Variants in PCDHGA7 observed in about 807,000 individuals in gnomAD.
The protein encoded by PCDHGA7 is protocadherin gamma subfamily A, 7.
Under a neutral mutation model 58.3 loss-of-function variants are expected in PCDHGA7, and 44 were observed. That is an observed-to-expected ratio of 0.75 (90% CI 0.59 to 0.97). PCDHGA7 has a LOEUF of 0.97. Ranked by LOEUF, PCDHGA7 falls within the 50% of genes least tolerant of loss-of-function variation. The pLI, the probability that PCDHGA7 is intolerant of heterozygous loss-of-function variation, is 0.00. For missense variants in PCDHGA7, 1,266 were observed against 1,188.7 expected (o/e 1.06, Z -0.96); for synonymous variants, 516 against 504.2 (o/e 1.02, Z -0.31).
intron 1 of PCDHGA7, chr5:141,404,057 T>C (rs558471539): frequency 1.2e-5 from 19 of 1,613,894 alleles, no homozygotes; most frequent in Non-Finnish European, 1.4e-5. Context: ...AATTCTTCTT[T>C]TCAATGCTCA....
chr5:141,473,079 A>G (rs1389177835), intron 1 of PCDHGA7, among the ~76,000 whole-genome samples: 2 of 152,086 alleles, frequency 1.3e-5, no homozygotes, highest in African/African-American at 4.8e-5. Flanking sequence ...ATCTTTGTTT[A>G]TTATCCACTG....
rs1317308437 is a variant in PCDHGA7, at chr5:141,418,492, A to G, written c.2424+33169A>G. The G allele has an allele frequency of 1.9e-6, 3 of 1,613,886 alleles. No homozygotes were observed. The African/African-American group carries it at 4.0e-5, about 22-fold the overall frequency. On this transcript the variant is annotated intron_variant, in intron 1 of 3. Coordinates refer to ENST00000518325, the MANE Select transcript of PCDHGA7 (RefSeq NM_018920.4). ...AAACGCAGAGCGCTCACCACTTGGT[A>G]CTGACCGCCTTAGATGGTGGGGACC... is the stretch of plus-strand genomic sequence containing the variant.
intron 1 of PCDHGA7, chr5:141,478,935 A>G: frequency 1.6e-6 from 1 of 638,574 alleles, no homozygotes. Flanking sequence ...GGCAGCTTCT[A>G]GGAATACAAA....
At position 141,431,416 on chromosome 5, in the gene PCDHGA7, C is replaced by T. The variant is rs778722151; in HGVS notation, c.2424+46093C>T. Reference sequence around the variant, plus strand: ...TCCTTACGGCCTCCGACGGGGGCGACCCGGTGCGCACAGGCACCGCGCGCA... The same window carrying T: ...TCCTTACGGCCTCCGACGGGGGCGATCCGGTGCGCACAGGCACCGCGCGCA... On this transcript the variant is annotated intron_variant, in intron 1 of 3. Transcript: ENST00000518325. This position sits in a 1 kb window ranked among gnomAD's most constrained non-coding sequence, Gnocchi z 4.8. 2.5e-6 allele frequency: 4 copies of T among 1,613,714 alleles called. No homozygotes were observed. Among genetic ancestry groups the T allele is most frequent in the Admixed American group, 1.7e-5 (1 of 60,028 alleles).
intron 1 of PCDHGA7, among the ~76,000 whole-genome samples, chr5:141,457,656 G>T (rs2098926936): frequency 6.6e-6 from 1 of 152,244 alleles, no homozygotes; most frequent in Non-Finnish European, 1.5e-5. Context: ...ATGAAGTGCA[G>T]CAAGAATGGT....
intron 1 of PCDHGA7, chr5:141,479,712 C>T (rs1488849933): frequency 6.6e-6 from 1 of 152,216 alleles, no homozygotes; most frequent in Non-Finnish European, 1.5e-5. Flanking sequence ...CCCTGTCCTT[C>T]CAGCCTTATT....
chr5:141,427,982 G>T, intron 1 of PCDHGA7: 1 of 1,596,752 alleles, frequency 6.3e-7, no homozygotes, highest in African/African-American at 1.3e-5. Flanking sequence ...CCGCGCTGGG[G>T]CCCGATGGCT....
At chr5:141,406,649 G>A (rs1447190497) in intron 1 of PCDHGA7, among the ~76,000 whole-genome samples, 2 of 152,098 alleles carry the variant, frequency 1.3e-5, no homozygotes, top group African/African-American at 2.4e-5. Flanking sequence ...ATTTCCTAAT[G>A]CTTTAATGTT....
chr5:141,476,459 C>T lies in PCDHGA7; in HGVS notation c.2425-18348C>T. On this transcript the variant is annotated intron_variant, in intron 1 of 3. Coordinates refer to ENST00000518325, the MANE Select transcript of PCDHGA7 (RefSeq NM_018920.4). The surrounding 1 kb of genome is among the most constrained non-coding windows in gnomAD (Gnocchi z 7.6). ...AACTCTGGAGTTGGTAGTGGAGAACCCGCTGGAGCTGTTCAGCGTGGAAGT... is the reference window on the plus strand; with the variant it reads ...AACTCTGGAGTTGGTAGTGGAGAACTCGCTGGAGCTGTTCAGCGTGGAAGT... 6.2e-7 allele frequency: 1 copy of T among 1,614,048 alleles called. No individual in the cohort carries two copies. Among genetic ancestry groups the T allele is most frequent in the Non-Finnish European group, 8.5e-7 (1 of 1,180,006 alleles).
rs200072718 is a variant in PCDHGA7 at position 141,389,516 on chromosome 5, G to C, written c.2424+4193G>C. 4,499 of 1,613,168 alleles carry C rather than the reference G, an allele frequency of 2.8e-3. 16 individuals are homozygous for C. Among genetic ancestry groups the C allele is most frequent in the Non-Finnish European group, 3.4e-3 (4,037 of 1,179,766 alleles). The stretch of plus-strand genomic sequence containing the variant: ...GCTCGCCAGCGCTCAGCGCGAACGT[G>C]AGCCTGCGCGTGTTAGTGGACGACC... On this transcript the variant is annotated intron_variant, in intron 1 of 3. Coordinates refer to ENST00000518325, the MANE Select transcript of PCDHGA7 (RefSeq NM_018920.4).
rs146574799 is a variant in PCDHGA7, at chr5:141,487,337, G to A, written c.2425-7470G>A. The A allele has an allele frequency of 1.4e-5, 23 of 1,614,054 alleles. No individual in the cohort carries two copies. The highest frequency in any genetic ancestry group is 3.3e-5 in the Admixed American group (2 of 60,002). The stretch of plus-strand genomic sequence containing the variant: ...TAAGTGTCTTCGTGGGGCAGCCTGT[G>A]GAGTCACATGCTTTCCTGCTGGCAC... On this transcript the variant is annotated intron_variant, in intron 1 of 3. Coordinates refer to ENST00000518325, the MANE Select transcript of PCDHGA7 (RefSeq NM_018920.4). The surrounding 1 kb of genome is among the most constrained non-coding windows in gnomAD (Gnocchi z 5.0).
chr5:141,466,415 C>T (rs995296505), intron 1 of PCDHGA7, among the ~76,000 whole-genome samples: 6 of 152,136 alleles, frequency 3.9e-5, no homozygotes, highest in Non-Finnish European at 8.8e-5. Context: ...ATTTTTCAGT[C>T]AGAATTGTGT....
Position 141,491,013 on chromosome 5 carries a change from G to C in PCDHGA7, c.2425-3794G>C. ...CTCCTCCTGGCTCCTTGGTCACCAA[G>C]GTGACAGCCGTGGATGCTGATGCAG... On this transcript the variant is annotated intron_variant, in intron 1 of 3. Transcript: ENST00000518325. The surrounding 1 kb of genome is among the most constrained non-coding windows in gnomAD (Gnocchi z 6.9). 6.2e-7 allele frequency: 1 copy of C among 1,614,144 alleles called. No homozygotes were observed. Among genetic ancestry groups the C allele is most frequent in the Non-Finnish European group, 8.5e-7 (1 of 1,180,040 alleles).
Position 141,384,308 on chromosome 5 carries a change from C to G in PCDHGA7, c.1409C>G (p.Ser470Cys), listed in dbSNP as rs974367218. Residue 470 changes from serine to cysteine, a missense_variant, in exon 1 of 4, where the codon TCC becomes TGC. Transcript: ENST00000518325. ...YIAENNPRGA[S>C]IFLVTAQDHD... ...GCTGAGAACAACCCCAGAGGGGCCT[C>G]CATTTTCTTAGTGACTGCACAGGAC... The G allele has an allele frequency of 1.5e-5, 25 of 1,613,736 alleles. No homozygotes were observed. The highest frequency in any genetic ancestry group is 2.1e-5 in the Non-Finnish European group (25 of 1,179,896).
intron 1 of PCDHGA7, chr5:141,416,401 T>C (rs2096020867): frequency 6.6e-6 from 1 of 152,204 alleles, no homozygotes; most frequent in African/African-American, 2.4e-5. Context: ...TGCTTTTGTC[T>C]TTTTTGTTAA....
chr5:141,427,712 C>T, intron 1 of PCDHGA7: 2 of 1,051,468 alleles, frequency 1.9e-6, no homozygotes, highest in African/African-American at 1.6e-5. Context: ...GCGCCTCTGA[C>T]CTGGACCTAG....
chr5:141,419,214 T>C lies in PCDHGA7; in HGVS notation c.2424+33891T>C. On this transcript the variant is annotated intron_variant, in intron 1 of 3. Coordinates refer to ENST00000518325, the MANE Select transcript of PCDHGA7 (RefSeq NM_018920.4). ...GACGTCAATGACAACGCGCCGGTTT[T>C]CGGACAGTCAGCCTACCTGGTCCAC... 1.9e-6 allele frequency: 3 copies of C among 1,613,986 alleles called. No individual in the cohort carries two copies. In the South Asian group the frequency reaches 3.3e-5, roughly 18 times the overall value.
chr5:141,393,964 G>C, intron 1 of PCDHGA7: 1 of 1,613,870 alleles, frequency 6.2e-7, no homozygotes, highest in Middle Eastern at 1.6e-4. Flanking sequence ...CAAGTTGTCT[G>C]TTACACACGT....
chr5:141,417,896 C>G, intron 1 of PCDHGA7: 1 of 1,576,868 alleles, frequency 6.3e-7, no homozygotes, highest in Non-Finnish European at 8.6e-7. Flanking sequence ...CCGGGCCGGC[C>G]CGCGGCAGGT....
Sources: allele counts gnomAD v4.1 joint callset (sites outside exome capture counted in the v4.1 genomes callset), GRCh38; gene constraint gnomAD v4.1.1; non-coding constraint Gnocchi (gnomAD v3.1); transcripts MANE v1.5; gene names NCBI Gene and HGNC (gene_info 2026-07-23, HGNC 2026-07-21).